The following KLHL29 variants were observed in gnomAD, a reference collection of about 807,000 sequenced individuals.
KLHL29 encodes the protein kelch-like protein 29.
A neutral mutation model predicts 80.4 loss-of-function variants in KLHL29; 21 were observed. The observed-to-expected ratio is 0.26, with a 90% CI of 0.19 to 0.38. The LOEUF is 0.38. Ranked by LOEUF, KLHL29 falls within the 10% of genes least tolerant of loss-of-function variation. The pLI, the probability that KLHL29 is intolerant of heterozygous loss-of-function variation, is 1.00. For missense variants in KLHL29, 867 were observed against 1,223.9 expected, an observed-to-expected ratio of 0.71 and a Z score of 4.35; for synonymous variants, 511 against 526.8, an observed-to-expected ratio of 0.97 and a Z score of 0.41.
intron 1 of KLHL29, among the ~76,000 whole-genome samples, chr2:23,447,921 A>G (rs1663756768): frequency 6.6e-6 from 1 of 152,082 alleles, no homozygotes; most frequent in African/African-American, 2.4e-5. Flanking sequence ...TTCAAAACAT[A>G]TCTGGTCCCA....
Position 23,642,324 on chromosome 2 carries a change from C to T in KLHL29, c.428-14C>T. 1 of 1,395,744 alleles carries T rather than the reference C, an allele frequency of 7.2e-7. No individual in the cohort carries two copies. The highest frequency in any genetic ancestry group is 2.6e-5 in the East Asian group (1 of 38,428). The allele number at this position is 1,395,744 out of a possible 1,614,324, so 86.5% of individuals were successfully genotyped here. A position where few individuals can be genotyped will look rare whatever the true frequency, so the allele number is the denominator to read the frequency against. On this transcript the variant is annotated splice_polypyrimidine_tract_variant and intron_variant, in intron 4 of 13. Transcript: ENST00000486442. ...TGTAACCGGCAGATGACGTTTCTTC[C>T]ATCTCCCTTGCAGGCACAGGGCCAT...
intron 1 of KLHL29, among the ~76,000 whole-genome samples, chr2:23,416,621 A>G (rs1666987543): frequency 6.6e-6 from 1 of 152,184 alleles, no homozygotes; most frequent in Non-Finnish European, 1.5e-5. Flanking sequence ...CTCTGTCAAT[A>G]GATCCATTGT....
At chr2:23,432,344 A>C (rs1238614031) in intron 1 of KLHL29, among the ~76,000 whole-genome samples, 1 of 152,258 alleles carries the variant, frequency 6.6e-6, no homozygotes, top group African/African-American at 2.4e-5. Context: ...CCCTACGAGC[A>C]ACACACCTAT....
intron 1 of KLHL29, among the ~76,000 whole-genome samples, chr2:23,435,529 G>A (rs1346385578): frequency 6.6e-6 from 1 of 152,200 alleles, no homozygotes; most frequent in Non-Finnish European, 1.5e-5. Flanking sequence ...AATGGTTTGG[G>A]TGACATGATG....
At chr2:23,622,872 G>A (rs187068392) in intron 3 of KLHL29, among the ~76,000 whole-genome samples, 2 of 152,328 alleles carry the variant, frequency 1.3e-5, no homozygotes, top group Admixed American at 6.5e-5. Flanking sequence ...TGTTTAAGAG[G>A]TGAGAAAAGG....
intron 5 of KLHL29, chr2:23,670,381 C>A (rs994121440): frequency 6.6e-6 from 1 of 152,316 alleles, no homozygotes; most frequent in South Asian, 2.1e-4. Context: ...AGCTGGGGCA[C>A]GACTGGACTC....
rs1440421427 is a variant in KLHL29, at chr2:23,680,061, T to C, written c.941-4338T>C. 6.6e-6 allele frequency among the ~76,000 whole-genome samples: 1 copy of C among 152,096 alleles called. No individual in the cohort carries two copies. Among genetic ancestry groups the C allele is most frequent in the Non-Finnish European group, 1.5e-5 (1 of 67,988 alleles). On this transcript the variant is annotated intron_variant, in intron 5 of 13. Transcript: ENST00000486442. This position sits in a 1 kb window ranked among gnomAD's most constrained non-coding sequence, Gnocchi z 4.1. ...AGCCCCGAAGGATTTGTGTGGCCAG[T>C]GGCTGTGAGGATGCAGTGTGGAGGT... is the stretch of plus-strand genomic sequence containing the variant.
rs59018665 is a variant in KLHL29 at position 23,513,320 on chromosome 2, G to A, written c.-46+37653G>A. Among the ~76,000 whole-genome samples, 1,416 of 152,282 alleles carry A rather than the reference G, an allele frequency of 9.3e-3. 23 individuals carry two copies. Among genetic ancestry groups the A allele is most frequent in the African/African-American group, 0.032 (1,347 of 41,564 alleles). On this transcript the variant is annotated intron_variant, in intron 2 of 13. Transcript: ENST00000486442. ...TGAATAAAGGCAGAACTCCCTGGTC[G>A]AAGCAGAGATGCCTCTTTCTGGAGT...
chr2:23,436,115 G>A (rs1007825021), intron 1 of KLHL29, among the ~76,000 whole-genome samples: 3 of 151,938 alleles, frequency 2.0e-5, no homozygotes, highest in Admixed American at 2.0e-4. Flanking sequence ...GTTTCTTCTT[G>A]TTGCTTCCCC....
Position 23,537,175 on chromosome 2 carries a change from C to T in KLHL29, c.-45-24977C>T, listed in dbSNP as rs572827726. 3.9e-5 allele frequency among the ~76,000 whole-genome samples: 6 copies of T among 152,292 alleles called. No homozygotes were observed. In the South Asian group the frequency reaches 1.0e-3, roughly 26 times the overall value. The stretch of plus-strand genomic sequence containing the variant: ...TTCCCTTTCAGTCACTGGTTGCTCT[C>T]GGGCTCTGTCGGCTAATTCAGTTGG... On this transcript the variant is annotated intron_variant, in intron 2 of 13. Transcript: ENST00000486442.
chr2:23,595,675 G>A (rs1668377223), intron 3 of KLHL29, among the ~76,000 whole-genome samples: 1 of 152,178 alleles, frequency 6.6e-6, no homozygotes, highest in South Asian at 2.1e-4. Context: ...GTCACTTGGG[G>A]GGCAGAGGAC....
chr2:23,451,748 T>G (rs571194641), intron 1 of KLHL29, among the ~76,000 whole-genome samples: 8 of 152,252 alleles, frequency 5.3e-5, no homozygotes, highest in African/African-American at 2.4e-5. Flanking sequence ...GGGATCAACG[T>G]TGACCCAGAA....
Position 23,639,151 on chromosome 2 carries a change from T to TC in KLHL29, c.300dup (p.Lys101GlnfsTer29). ...CTGCTTCCCACAGGCTCCCGGCATC[T>TC]CCAAAGGGGACAGTCAGTCCCAGGG... On this transcript the variant is annotated frameshift_variant, in exon 4 of 14. Transcript: ENST00000486442. LOFTEE classifies it high-confidence loss of function. 1 of 1,534,244 alleles carries TC rather than the reference T, an allele frequency of 6.5e-7. No homozygotes were observed. Among genetic ancestry groups the TC allele is most frequent in the Non-Finnish European group, 8.8e-7 (1 of 1,141,268 alleles).
chr2:23,405,727 G>A (rs545339718), intron 1 of KLHL29, among the ~76,000 whole-genome samples: 91 of 152,308 alleles, frequency 6.0e-4, no homozygotes, highest in Admixed American at 4.0e-3. Context: ...TACTTGGTAA[G>A]GAGCTCAGCC....
intron 5 of KLHL29, among the ~76,000 whole-genome samples, chr2:23,683,061 A>C (rs1671136645): frequency 1.3e-5 from 2 of 152,348 alleles, no homozygotes; most frequent in Middle Eastern, 6.8e-3. Context: ...CAGGATCCTC[A>C]ATCCCCATTT....
chr2:23,512,771 G>A (rs1408140724), intron 2 of KLHL29, among the ~76,000 whole-genome samples: 3 of 152,226 alleles, frequency 2.0e-5, no homozygotes, highest in Non-Finnish European at 2.9e-5. Flanking sequence ...TGAAGCATCC[G>A]CTGGTACAGG....
chr2:23,446,789 G>T (rs1558341525), intron 1 of KLHL29, among the ~76,000 whole-genome samples: 1 of 152,126 alleles, frequency 6.6e-6, no homozygotes, highest in Non-Finnish European at 1.5e-5. Context: ...TAAATTATGT[G>T]CATCTTTGCA....
chr2:23,525,335 A>G (rs1029957557), intron 2 of KLHL29, among the ~76,000 whole-genome samples: 2 of 152,218 alleles, frequency 1.3e-5, no homozygotes, highest in African/African-American at 4.8e-5. Context: ...TTTGGCCCAG[A>G]GAATTTATTT....
intron 2 of KLHL29, among the ~76,000 whole-genome samples, chr2:23,517,625 T>TACAG (rs1558369113): frequency 6.6e-6 from 1 of 152,216 alleles, no homozygotes; most frequent in African/African-American, 2.4e-5. Context: ...CTTTTTAACA[T>TACAG]GTGCAGAGTG....
Sources: gnomAD v4.1 joint callset for allele counts (sites outside exome capture counted in the v4.1 genomes callset) on GRCh38, gnomAD v4.1.1 for gene constraint, Gnocchi (gnomAD v3.1) non-coding constraint, MANE v1.5 for transcripts, NCBI Gene and HGNC (gene_info 2026-07-23, HGNC 2026-07-21) for gene names.